Variants in COL6A6 observed in about 807,000 individuals in gnomAD.
COL6A6 encodes the protein collagen alpha-6(VI) chain.
Under a neutral mutation model 208.6 loss-of-function variants are expected in COL6A6, and 183 were observed. The observed-to-expected ratio is 0.88, with a 90% CI of 0.78 to 0.99. COL6A6 has a LOEUF of 0.99. Ranked by LOEUF, COL6A6 falls within the 50% of genes least tolerant of loss-of-function variation. The pLI, the probability that COL6A6 is intolerant of heterozygous loss-of-function variation, is 0.00. For missense variants in COL6A6, 2,816 were observed against 2,815.2 expected (o/e 1.00, Z -0.01); for synonymous variants, 973 against 1,011.8 (o/e 0.96, Z 0.73).
intron 10 of COL6A6, among the ~76,000 whole-genome samples, chr3:130,583,435 AG>A (rs2063468384): frequency 6.6e-6 from 1 of 152,106 alleles, no homozygotes; most frequent in African/African-American, 2.4e-5. Flanking sequence ...TGTGGGGAAA[AG>A]GTATTTCTCT....
intron 36 of COL6A6, among the ~76,000 whole-genome samples, chr3:130,673,010 C>CAAAAA (rs57517362): frequency 1.0e-5 from 1 of 96,340 alleles, no homozygotes; most frequent in Non-Finnish European, 2.1e-5. Context: ...GACACCATCT[C>CAAAAA]AAAAAAAAAA....
chr3:130,591,874 A>G (rs6439250), intron 13 of COL6A6, among the ~76,000 whole-genome samples: 150,393 of 152,284 alleles, frequency 0.99, 74,277 homozygotes, highest in African/African-American at 1. Context: ...GTACTTGGGC[A>G]GACATTTGAA....
intron 2 of COL6A6, 68 bp downstream of exon 2, chr3:130,560,496 A>G: frequency 7.3e-7 from 1 of 1,371,158 alleles, no homozygotes; most frequent in Non-Finnish European, 1.0e-6. Context: ...AGTTTGACCT[A>G]TTTAAAAGTT....
At position 130,568,162 on chromosome 3, in the gene COL6A6, G is replaced by T. The variant is rs1022867687; in HGVS notation, c.1959G>T (p.Gln653His). The stretch of plus-strand genomic sequence containing the variant: ...TGAAAAACCTGGTGAGCAAGTCTCA[G>T]ATTGGACCAGATCGGGTGCAAATTG... ...TFMKNLVSKSQIGPDRVQIGV... is the reference protein window; with the variant it reads ...TFMKNLVSKSHIGPDRVQIGV... The change falls in exon 6 of 37, where the codon CAG becomes CAT. Residue 653 changes from glutamine (Q) to histidine (H), a missense_variant. Transcript: ENST00000358511. The T allele has an allele frequency of 6.2e-7, 1 of 1,613,928 alleles. No individual in the cohort carries two copies. Among genetic ancestry groups the T allele is most frequent in the East Asian group, 2.2e-5 (1 of 44,900 alleles).
At chr3:130,566,629 T>C in intron 4 of COL6A6, 73 bp from the exon 5 acceptor site, 1 of 1,284,866 alleles carries the variant, frequency 7.8e-7, no homozygotes, top group Non-Finnish European at 1.1e-6. Context: ...ATATTTGTTC[T>C]TCTTTCCATG....
chr3:130,611,486 C>T lies in COL6A6; in HGVS notation c.4815+775C>T, dbSNP rs1246056989. Among the ~76,000 whole-genome samples the T allele has an allele frequency of 2.6e-5, 4 of 152,212 alleles. No homozygotes were observed. In the East Asian group the frequency reaches 7.7e-4, roughly 29 times the overall value. On this transcript the variant is annotated intron_variant, in intron 23 of 36. Transcript: ENST00000358511. ...CCTGTCTCTCCTCCTAGATTGCAAG[C>T]TCCATAAAAGATAGGACTTTGTCTT...
rs1576443259 is a variant in COL6A6, at chr3:130,675,974, T to G, written c.*577T>G. Reference sequence around the variant, plus strand: ...GGTAATTTTCTCCATCTCTAAATCCTCCTGAACTCACTGAAAAACTCATTA... The same window carrying G: ...GGTAATTTTCTCCATCTCTAAATCCGCCTGAACTCACTGAAAAACTCATTA... On this transcript the variant is annotated 3_prime_UTR_variant, in exon 37 of 37. Coordinates refer to ENST00000358511, the MANE Select transcript of COL6A6 (RefSeq NM_001102608.3). 6.6e-6 allele frequency: 1 copy of G among 152,304 alleles called. No individual in the cohort carries two copies. The highest frequency in any genetic ancestry group is 1.9e-4 in the East Asian group (1 of 5,178). 9.4% of individuals were successfully genotyped at this position (152,304 alleles called of 1,614,324 possible). A position where few individuals can be genotyped will look rare whatever the true frequency, so the allele number is the denominator to read the frequency against.
intron 12 of COL6A6, chr3:130,589,923 C>T: frequency 2.3e-6 from 1 of 434,898 alleles, no homozygotes; most frequent in East Asian, 7.1e-5. Context: ...GGCTATGTCT[C>T]TGAATATGTC....
intron 24 of COL6A6, among the ~76,000 whole-genome samples, chr3:130,624,137 C>A (rs1043436511): frequency 6.6e-6 from 1 of 152,036 alleles, no homozygotes; most frequent in Non-Finnish European, 1.5e-5. Flanking sequence ...AAGAAGAAGA[C>A]ATTAACTACT....
In COL6A6 at chr3:130,591,094, T is replaced by C. The variant is rs2063702992; in HGVS notation, c.4272T>C (p.Ala1424=). 6.3e-7 allele frequency: 1 copy of C among 1,579,482 alleles called. No homozygotes were observed. The highest frequency in any genetic ancestry group is 8.6e-7 in the Non-Finnish European group (1 of 1,160,008). The part of the protein sequence containing the change: ...SEGYLGEEGI[A]GERGAPGPVG... ...GCTACCTGGGAGAGGAGGGAATCGC[T>C]GTAAGTCAGGGCTCTTTTTTACCTC... Residue 1424 remains alanine (A), a splice_region_variant and synonymous_variant, in exon 13 of 37, where the codon GCT becomes GCC. Transcript: ENST00000358511.
chr3:130,609,371 G>C (rs1004555284), intron 22 of COL6A6, among the ~76,000 whole-genome samples: 1 of 152,172 alleles, frequency 6.6e-6, no homozygotes, highest in Non-Finnish European at 1.5e-5. Flanking sequence ...AGAATTGCTC[G>C]AAAGACAGCT....
chr3:130,588,314 A>G (rs1053695629), intron 11 of COL6A6, among the ~76,000 whole-genome samples: 4 of 152,266 alleles, frequency 2.6e-5, no homozygotes, highest in African/African-American at 9.6e-5. Flanking sequence ...CTGCCCCACT[A>G]AAGTGAAGTA....
chr3:130,520,600 A>C (rs1027547819), intron 1 of COL6A6, among the ~76,000 whole-genome samples: 1 of 152,214 alleles, frequency 6.6e-6, no homozygotes, highest in Non-Finnish European at 1.5e-5. Context: ...GTATTCAGTA[A>C]TATTTGGTAA....
At position 130,574,412 on chromosome 3, in the gene COL6A6, T is replaced by G; in HGVS notation, c.3434T>G (p.Leu1145Arg). 2 of 1,614,026 alleles carry G rather than the reference T, an allele frequency of 1.2e-6. No homozygotes were observed. Among genetic ancestry groups the G allele is most frequent in the Non-Finnish European group, 1.7e-6 (2 of 1,179,894 alleles). ...ATTGGGGATGTGGATGACCAGCAGC[T>G]CATTCAGATCACCGGGACTGCAGAG... ...VGIGDVDDQQLIQITGTAEKK... is the reference protein window; with the variant it reads ...VGIGDVDDQQRIQITGTAEKK... The change falls in exon 8 of 37, where the codon CTC (leucine) becomes CGC (arginine). Residue 1145 changes from leucine (L) to arginine (R), a missense_variant. Transcript: ENST00000358511.
intron 12 of COL6A6, among the ~76,000 whole-genome samples, chr3:130,590,572 T>C (rs2063684086): frequency 6.7e-6 from 1 of 150,064 alleles, no homozygotes; most frequent in South Asian, 2.1e-4. Flanking sequence ...TTGGTTTTTT[T>C]GTCCCTTTTT....
rs978522320 is a variant in COL6A6, at chr3:130,655,556, T to G, written c.5734-3120T>G. Among the ~76,000 whole-genome samples, 3 of 152,222 alleles carry G rather than the reference T, an allele frequency of 2.0e-5. No individual in the cohort carries two copies. The East Asian group carries it at 5.8e-4, about 29-fold the overall frequency. On this transcript the variant is annotated intron_variant, in intron 33 of 36. Transcript: ENST00000358511. ...AAAGAGAACTCACCCATGATCCCAG[T>G]TGCTGTGAGAGATCAATGGGCACAG...
chr3:130,622,627 G>T (rs1226981338), intron 24 of COL6A6, among the ~76,000 whole-genome samples: 1 of 151,798 alleles, frequency 6.6e-6, no homozygotes, highest in Non-Finnish European at 1.5e-5. Context: ...GGAGGCCGAG[G>T]TGGGCAGATC....
rs1005818794 is a variant in COL6A6, at chr3:130,610,820, G to A, written c.4815+109G>A. On this transcript the variant is annotated intron_variant, in intron 23 of 36. Coordinates refer to ENST00000358511, the MANE Select transcript of COL6A6 (RefSeq NM_001102608.3). The stretch of plus-strand genomic sequence containing the variant: ...TTTACTGCTTGTGAACCAGGAACGT[G>A]TATTAGGTTTCACTTCAGCTCAATG... 1.8e-5 allele frequency: 14 copies of A among 770,476 alleles called. No individual in the cohort carries two copies. The African/African-American group carries it at 1.9e-4, about 11-fold the overall frequency. 47.7% of individuals were successfully genotyped at this position (770,476 alleles called of 1,614,324 possible).
chr3:130,574,617 G>C, intron 8 of COL6A6, 92 bp downstream of exon 8: 14 of 1,004,530 alleles, frequency 1.4e-5, no homozygotes, highest in Non-Finnish European at 2.1e-5. Flanking sequence ...GGGCTAGTGG[G>C]AGAATTTAGA....
Sources: gnomAD v4.1 joint callset for allele counts (sites outside exome capture counted in the v4.1 genomes callset) on GRCh38, gnomAD v4.1.1 for gene constraint, MANE v1.5 for transcripts, NCBI Gene and HGNC (gene_info 2026-07-23, HGNC 2026-07-21) for gene names.